FREM3: variants seen among roughly 807,000 people sequenced by gnomAD.
FREM3 encodes FRAS1 related extracellular matrix 3, also known as FRAS1-related extracellular matrix protein 3.
FREM3 carries 105 observed loss-of-function variants against 129.1 expected under a neutral mutation model. The ratio of observed to expected loss-of-function variants is 0.81; its 90% confidence interval spans 0.69 to 0.96. The LOEUF is 0.96. FREM3 is among the 40% of genes least tolerant of loss of function. FREM3 has a pLI of 0.00. For missense variants in FREM3, 2,593 were observed against 2,666.3 expected (o/e 0.97, Z 0.61); for synonymous variants, 1,014 against 1,044.9 (o/e 0.97, Z 0.57).
chr4:143,690,267 A>G (rs921336832), intron 2 of FREM3, among the ~76,000 whole-genome samples: 3 of 152,172 alleles, frequency 2.0e-5, no homozygotes, highest in African/African-American at 7.2e-5. Context: ...GCAGTTTCTC[A>G]AAGATGCAAG....
chr4:143,659,701 G>A (rs1236705840), intron 2 of FREM3, among the ~76,000 whole-genome samples: 6 of 146,166 alleles, frequency 4.1e-5, no homozygotes, highest in Non-Finnish European at 7.5e-5. Context: ...CCCACCAACA[G>A]TGTAAAAGTG....
At chr4:143,609,529 C>T (rs1265733553) in intron 6 of FREM3, among the ~76,000 whole-genome samples, 1 of 152,140 alleles carries the variant, frequency 6.6e-6, no homozygotes, top group Non-Finnish European at 1.5e-5. Context: ...CCTTCTCACT[C>T]TGCCTGGTTA....
chr4:143,606,137 T>C (rs529861286), intron 6 of FREM3, among the ~76,000 whole-genome samples: 1 of 152,278 alleles, frequency 6.6e-6, no homozygotes, highest in East Asian at 1.9e-4. Context: ...TTGCATACAG[T>C]CAGCAGGTCT....
In FREM3 at chr4:143,698,562, A is replaced by G; in HGVS notation, c.2114T>C (p.Leu705Pro). 1.3e-6 allele frequency: 2 copies of G among 1,537,754 alleles called. No homozygotes were observed. Among genetic ancestry groups the G allele is most frequent in the South Asian group, 1.2e-5 (1 of 84,064 alleles). The change falls in exon 1 of 8, where the codon CTG becomes CCG. Residue 705 changes from leucine to proline, a missense_variant. Physicochemically the swap from Leu to Pro is moderately conservative, Grantham distance 98. Coordinates refer to ENST00000329798, the MANE Select transcript of FREM3 (RefSeq NM_001168235.2). ...CATTTCTAGTGTAGTTCCTGGATAC[A>G]GCTGTGGACTCAGTATATCCACTGG... ...VQPVDILSPQ[L>P]YPGTTLEMTV...
At chr4:143,690,759 A>T (rs1740451004) in intron 2 of FREM3, among the ~76,000 whole-genome samples, 1 of 152,214 alleles carries the variant, frequency 6.6e-6, no homozygotes, top group African/African-American at 2.4e-5. Context: ...ACAGATAAAA[A>T]AATGTTTAAA....
chr4:143,592,673 A>C (rs1159896603), intron 6 of FREM3, among the ~76,000 whole-genome samples: 1 of 151,818 alleles, frequency 6.6e-6, no homozygotes, highest in East Asian at 1.9e-4. Context: ...TGCCCTTAAC[A>C]TTTTTTCCTT....
At chr4:143,590,704 T>A (rs887165877) in intron 6 of FREM3, among the ~76,000 whole-genome samples, 1 of 152,198 alleles carries the variant, frequency 6.6e-6, no homozygotes, top group Non-Finnish European at 1.5e-5. Flanking sequence ...ATTCTCTTTT[T>A]TTGCTGTGTC....
rs146307840 is a variant in FREM3, at chr4:143,687,273, T to C, written c.5275+5840A>G. On this transcript the variant is annotated intron_variant, in intron 2 of 7. Coordinates refer to ENST00000329798, the MANE Select transcript of FREM3 (RefSeq NM_001168235.2). ...AGAGATGGATAAATTTCTGGAAAAA[T>C]ACAAACCTCCTAGCTTAAATCAGGA... 4.6e-3 allele frequency among the ~76,000 whole-genome samples: 705 copies of C among 151,994 alleles called. 4 individuals carry two copies. Among genetic ancestry groups the C allele is most frequent in the Non-Finnish European group, 7.9e-3 (537 of 67,960 alleles).
At chr4:143,660,050 G>T (rs1234010031) in intron 2 of FREM3, among the ~76,000 whole-genome samples, 1 of 146,568 alleles carries the variant, frequency 6.8e-6, no homozygotes, top group Non-Finnish European at 1.5e-5. Context: ...CACTCTGATG[G>T]TAGTTTCTTT....
rs1740647594 is a variant in FREM3 at position 143,699,378 on chromosome 4, G to A, written c.1298C>T (p.Pro433Leu). 2 of 1,537,196 alleles carry A rather than the reference G, an allele frequency of 1.3e-6. No individual in the cohort carries two copies. The highest frequency in any genetic ancestry group is 1.7e-6 in the Non-Finnish European group (2 of 1,146,930). Residue 433 changes from proline (P) to leucine (L), a missense_variant, in exon 1 of 8, where the codon CCA becomes CTA. Physicochemically the swap from Pro to Leu is moderately conservative, Grantham distance 98 (BLOSUM62 -3). Around this residue, in one of 2 missense-constraint regions of FREM3, gnomAD observed 2,276 missense variants for 2,267.2 expected, o/e 1.00. Coordinates refer to ENST00000329798, the MANE Select transcript of FREM3 (RefSeq NM_001168235.2). The surrounding 1 kb of genome is among the most constrained non-coding windows in gnomAD (Gnocchi z 4.2). ...VTVKSMNTLV[P>L]VASHNRGLVL... Reference sequence around the variant, plus strand: ...AAGTCCCCTGTTATGGCTAGCCACTGGGACCAGAGTATTCATGGATTTCAC... The same window carrying A: ...AAGTCCCCTGTTATGGCTAGCCACTAGGACCAGAGTATTCATGGATTTCAC...
chr4:143,581,252 C>T (rs1053449988), intron 7 of FREM3, among the ~76,000 whole-genome samples: 6 of 152,166 alleles, frequency 3.9e-5, no homozygotes, highest in Middle Eastern at 3.2e-3. Context: ...TAGTCATTGG[C>T]GGCTCTGCAT....
chr4:143,594,378 G>T (rs1170587372), intron 6 of FREM3, among the ~76,000 whole-genome samples: 1 of 152,098 alleles, frequency 6.6e-6, no homozygotes, highest in African/African-American at 2.4e-5. Flanking sequence ...TCCACCCTCT[G>T]TCCTGTGTTT....
At position 143,693,112 on chromosome 4, in the gene FREM3, C is replaced by T. The variant is rs1740501977; in HGVS notation, c.5275+1G>A. On this transcript the variant is annotated splice_donor_variant, in intron 2 of 7. Coordinates refer to ENST00000329798, the MANE Select transcript of FREM3 (RefSeq NM_001168235.2). LOFTEE classifies it high-confidence loss of function. ...CTTTTGAAGGGTTTATTATGACTTA[C>T]CATTGTCTTCAACAGAGAAATAGAA... 6.9e-7 allele frequency: 1 copy of T among 1,447,466 alleles called. No individual in the cohort carries two copies. The highest frequency in any genetic ancestry group is 9.3e-7 in the Non-Finnish European group (1 of 1,080,674). 89.7% of individuals were successfully genotyped at this position (1,447,466 alleles called of 1,614,324 possible). A position where few individuals can be genotyped will look rare whatever the true frequency, so the allele number is the denominator to read the frequency against.
At chr4:143,635,727 G>A (rs769740955) in intron 2 of FREM3, among the ~76,000 whole-genome samples, 62 of 152,168 alleles carry the variant, frequency 4.1e-4, no homozygotes, top group Non-Finnish European at 5.7e-4. Context: ...TGAATTTGGC[G>A]TAGATAATCA....
intron 2 of FREM3, among the ~76,000 whole-genome samples, chr4:143,661,795 A>G (rs949905343): frequency 1.1e-4 from 17 of 150,342 alleles, no homozygotes; most frequent in African/African-American, 3.9e-4. Flanking sequence ...TAGAGATTCA[A>G]CTTCATCCTG....
chr4:143,618,957 A>G (rs1406053379), intron 5 of FREM3, among the ~76,000 whole-genome samples: 2 of 152,146 alleles, frequency 1.3e-5, no homozygotes, highest in African/African-American at 4.8e-5. Flanking sequence ...CAAATCACTT[A>G]GCCAAACAAT....
intron 2 of FREM3, among the ~76,000 whole-genome samples, chr4:143,676,990 G>T (rs898289309): frequency 6.6e-6 from 1 of 152,132 alleles, no homozygotes; most frequent in African/African-American, 2.4e-5. Context: ...TAGATTCATT[G>T]CCATCCCCAT....
rs921378091 is a variant in FREM3 at position 143,696,704 on chromosome 4, G to T, written c.3972C>A (p.Ile1324=). 6.5e-6 allele frequency: 10 copies of T among 1,537,746 alleles called. No individual in the cohort carries two copies. In the Admixed American group the frequency reaches 7.8e-5, roughly 12 times the overall value. Residue 1324 remains isoleucine, a synonymous_variant, in exon 1 of 8, where the codon ATC becomes ATA. Transcript: ENST00000329798. The part of the protein sequence containing the change: ...GLKVEKGHSE[I]ITNRILKATD... ...TGGCCTTGAGGATCCGATTTGTGAT[G>T]ATCTCAGAGTGTCCTTTCTCTACCT...
intron 2 of FREM3, among the ~76,000 whole-genome samples, chr4:143,644,106 T>A (rs530494863): frequency 6.6e-6 from 1 of 152,184 alleles, no homozygotes; most frequent in Admixed American, 6.5e-5. Flanking sequence ...GGACAGAAAT[T>A]GACAAGAGAA....
Sources: gnomAD v4.1 joint callset for allele counts (sites outside exome capture counted in the v4.1 genomes callset) on GRCh38, gnomAD v4.1.1 for gene constraint, gnomAD v4.1.1 regional missense constraint, Gnocchi (gnomAD v3.1) non-coding constraint, MANE v1.5 for transcripts, NCBI Gene and HGNC (gene_info 2026-07-23, HGNC 2026-07-21) for gene names.